Variants in ARHGAP40 observed in about 807,000 individuals in gnomAD.
The protein encoded by ARHGAP40 is rho GTPase-activating protein 40.
A neutral mutation model predicts 73.5 loss-of-function variants in ARHGAP40; 43 were observed. The observed-to-expected ratio is 0.58, with a 90% confidence interval of 0.46 to 0.75. ARHGAP40 has a LOEUF of 0.75. Ranked by LOEUF, ARHGAP40 falls within the 30% of genes least tolerant of loss-of-function variation. ARHGAP40 has a pLI of 0.00. For synonymous variants in ARHGAP40, 300 were observed against 352.8 expected, an observed-to-expected ratio of 0.85 and a Z score of 1.68; for missense variants, 734 against 861.8, an observed-to-expected ratio of 0.85 and a Z score of 1.86.
chr20:38,602,403 G>T (rs2145589350), intron 1 of ARHGAP40, among the ~76,000 whole-genome samples: 1 of 16,652 alleles, frequency 6.0e-5, no homozygotes, highest in African/African-American at 1.1e-4. Context: ...TCTTCCTCTG[G>T]GTGTAGAGTC....
chr20:38,623,432 G>T (rs578252439), exon 2 of ARHGAP40: 1 of 1,290,968 alleles, frequency 7.7e-7, no homozygotes, highest in Admixed American at 2.3e-5. Flanking sequence ...TGCTGGCTCT[G>T]CTGGCTGTTC....
chr20:38,617,171 G>A (rs1254280739), intron 1 of ARHGAP40, among the ~76,000 whole-genome samples: 1 of 152,196 alleles, frequency 6.6e-6, no homozygotes, highest in Non-Finnish European at 1.5e-5. Context: ...TGGTTTGGCT[G>A]CTGGAGAGGA....
chr20:38,648,309 C>T (rs1156814156), intron 13 of ARHGAP40, among the ~76,000 whole-genome samples: 5 of 152,268 alleles, frequency 3.3e-5, no homozygotes, highest in Non-Finnish European at 5.9e-5. Context: ...ATCTTCCCCT[C>T]ACAGCAGGCT....
At chr20:38,609,140 G>A (rs1295366806) in intron 1 of ARHGAP40, among the ~76,000 whole-genome samples, 1 of 152,142 alleles carries the variant, frequency 6.6e-6, no homozygotes, top group African/African-American at 2.4e-5. Flanking sequence ...AGATTCCAGG[G>A]AGTAGTGGGT....
chr20:38,635,348 G>A (rs1341307913), intron 6 of ARHGAP40, among the ~76,000 whole-genome samples: 2 of 152,006 alleles, frequency 1.3e-5, no homozygotes, highest in Non-Finnish European at 2.9e-5. Flanking sequence ...GTATATGTGT[G>A]TATCCTTTTT....
chr20:38,619,677 C>T (rs1260058050), intron 1 of ARHGAP40, among the ~76,000 whole-genome samples: 1 of 146,326 alleles, frequency 6.8e-6, no homozygotes, highest in African/African-American at 2.5e-5. Flanking sequence ...GGGTTCGTAT[C>T]CGGGCTTTGT....
At chr20:38,615,254 ATCT>A in intron 1 of ARHGAP40, 1 of 770,390 alleles carries the variant, frequency 1.3e-6, no homozygotes, top group South Asian at 1.4e-5. Context: ...ATGATCCCTC[ATCT>A]TCTCCAACTT....
At chr20:38,620,112 T>C (rs1192393941) in intron 1 of ARHGAP40, among the ~76,000 whole-genome samples, 1 of 152,200 alleles carries the variant, frequency 6.6e-6, no homozygotes, top group Non-Finnish European at 1.5e-5. Flanking sequence ...CCTGGGCATG[T>C]AGTAGGTATT....
Position 38,629,686 on chromosome 20 carries a change from C to T in ARHGAP40, c.783+36C>T, listed in dbSNP as rs138018792. 17 of 1,300,184 alleles carry T rather than the reference C, an allele frequency of 1.3e-5. No homozygotes were observed. The African/African-American group carries it at 2.4e-4, about 19-fold the overall frequency. 80.5% of individuals were successfully genotyped at this position (1,300,184 alleles called of 1,614,324 possible). On this transcript the variant is annotated intron_variant, in intron 5 of 14. Coordinates refer to ENST00000373345, the Ensembl canonical transcript of ARHGAP40. The stretch of plus-strand genomic sequence containing the variant: ...TGTCCACAGGGCTGGTTGGCTAGGT[C>T]CCCCTGTGCTCAGGCACCAGCACCC...
intron 10 of ARHGAP40, among the ~76,000 whole-genome samples, chr20:38,642,550 T>G (rs2089025656): frequency 6.6e-6 from 1 of 152,106 alleles, no homozygotes; most frequent in Non-Finnish European, 1.5e-5. Flanking sequence ...CTTTGCAGGG[T>G]ACTCAATATG....
At position 38,646,088 on chromosome 20, in the gene ARHGAP40, C is replaced by T; in HGVS notation, c.1611C>T (p.Asp537=). ...TCGCCCAGGTGCGAAAACTGAACGA[C>T]AGTAGCAGCAGGCGCCCCCAGCTCT... The change falls in exon 12 of 15, where the codon GAC becomes GAT. Residue 537 remains aspartate (D), a synonymous_variant. Transcript: ENST00000373345. The surrounding 1 kb of genome is among the most constrained non-coding windows in gnomAD (Gnocchi z 4.5). 1 of 1,304,264 alleles carries T rather than the reference C, an allele frequency of 7.7e-7. No homozygotes were observed. The highest frequency in any genetic ancestry group is 1.0e-6 in the Non-Finnish European group (1 of 988,886). The allele number at this position is 1,304,264 out of a possible 1,614,324, so 80.8% of individuals were successfully genotyped here.
chr20:38,649,869 A>C (rs956099700), exon 15 of ARHGAP40: 4 of 1,296,970 alleles, frequency 3.1e-6, no homozygotes, highest in Admixed American at 4.6e-5. Context: ...TCTCAGGAGC[A>C]GCCTGGATGC....
At chr20:38,637,270 C>T (rs527598805) in intron 6 of ARHGAP40, among the ~76,000 whole-genome samples, 23 of 152,150 alleles carry the variant, frequency 1.5e-4, no homozygotes, top group Middle Eastern at 3.4e-3. Flanking sequence ...CTCAGCCTCC[C>T]GAGTAGCTGG....
At chr20:38,647,982 C>A (rs1227027059) in intron 13 of ARHGAP40, among the ~76,000 whole-genome samples, 1 of 152,174 alleles carries the variant, frequency 6.6e-6, no homozygotes, top group Non-Finnish European at 1.5e-5. Context: ...GGAAGAAGGT[C>A]GGGGGCTGAT....
Position 38,613,488 on chromosome 20 carries a change from G to T in ARHGAP40, c.138-9871G>T, listed in dbSNP as rs116663326. Among the ~76,000 whole-genome samples, 1,104 of 152,298 alleles carry T rather than the reference G, an allele frequency of 7.2e-3. 15 individuals carry two copies. The highest frequency in any genetic ancestry group is 0.025 in the African/African-American group (1,057 of 41,554). On this transcript the variant is annotated intron_variant, in intron 1 of 14. Transcript: ENST00000373345. Reference sequence around the variant, plus strand: ...CCAGGTCCCATTCCCAGCAGTTTGGGTGTCATTGGTCTGGCTGGGGCATTG... The same window carrying T: ...CCAGGTCCCATTCCCAGCAGTTTGGTTGTCATTGGTCTGGCTGGGGCATTG...
chr20:38,602,566 C>T (rs192172305), intron 1 of ARHGAP40, among the ~76,000 whole-genome samples: 17 of 152,212 alleles, frequency 1.1e-4, no homozygotes, highest in African/African-American at 7.2e-5. Flanking sequence ...ATAGTCATTT[C>T]CCCCACTCTG....
intron 2 of ARHGAP40, among the ~76,000 whole-genome samples, chr20:38,624,688 A>G (rs2088890185): frequency 6.6e-6 from 1 of 152,098 alleles, no homozygotes; most frequent in Non-Finnish European, 1.5e-5. Context: ...CTCTTGCCCC[A>G]GGCATCTGCA....
chr20:38,641,342 A>C lies in ARHGAP40; in HGVS notation c.1280-384A>C, dbSNP rs191904803. 1.4e-3 allele frequency among the ~76,000 whole-genome samples: 219 copies of C among 152,158 alleles called. 3 individuals carry two copies. The highest frequency in any genetic ancestry group is 5.1e-3 in the African/African-American group (213 of 41,524). On this transcript the variant is annotated intron_variant, in intron 9 of 14. Transcript: ENST00000373345. ...GCTTTTCCTTTTCAACCCTCACAAC[A>C]CAGAGGGTTTCATGAAAACCTTCTA...
chr20:38,649,074 C>T (rs1415882575), intron 14 of ARHGAP40, among the ~76,000 whole-genome samples: 1 of 152,198 alleles, frequency 6.6e-6, no homozygotes, highest in Non-Finnish European at 1.5e-5. Flanking sequence ...ATTCTGCAAA[C>T]ACATATCCAG....
Sources: allele counts gnomAD v4.1 joint callset (sites outside exome capture counted in the v4.1 genomes callset), GRCh38; gene constraint gnomAD v4.1.1; non-coding constraint Gnocchi (gnomAD v3.1); transcripts MANE v1.5; gene names NCBI Gene and HGNC (gene_info 2026-07-23, HGNC 2026-07-21).